The following C3orf62 variants were observed in gnomAD, a reference collection of about 807,000 sequenced individuals.
C3orf62 encodes the protein chromosome 3 open reading frame 62.
A neutral mutation model predicts 21.7 loss-of-function variants in C3orf62; 16 were observed. That is an observed-to-expected ratio of 0.74 (90% CI 0.50 to 1.12). C3orf62 has a LOEUF of 1.12. Among genes scored for constraint, C3orf62 ranks in the 50% most tolerant of loss-of-function variants. C3orf62 has a pLI of 0.00. For synonymous variants in C3orf62, 114 were observed against 117.0 expected (o/e 0.97, Z 0.17); for missense variants, 310 against 318.8 (o/e 0.97, Z 0.21).
chr3:49,275,347 A>G (rs913678059), intron 1 of C3orf62, among the ~76,000 whole-genome samples: 1 of 151,370 alleles, frequency 6.6e-6, no homozygotes, highest in Non-Finnish European at 1.5e-5. Context: ...TCAGCCTCCC[A>G]AAGTGCTGAG....
rs751502908 is a variant in C3orf62 at position 49,276,615 on chromosome 3, A to G, written c.258T>C (p.Pro86=). 5.0e-6 allele frequency: 8 copies of G among 1,614,066 alleles called. No individual in the cohort carries two copies. Among genetic ancestry groups the G allele is most frequent in the Admixed American group, 1.7e-5 (1 of 60,004 alleles). The change falls in exon 1 of 3, where the codon CCT becomes CCC. Residue 86 remains proline, a synonymous_variant. Coordinates refer to ENST00000343010, the MANE Select transcript of C3orf62 (RefSeq NM_198562.3). ...TTGCAAAGGCAGGGTTCTCATTCTC[A>G]GGAGCACATGGGACAGCAGCAAAAG... The part of the protein sequence containing the change: ...AAPFAAVPCA[P]ENENPAFATN...
Position 49,276,761 on chromosome 3 carries a change from A to G in C3orf62, c.112T>C (p.Ser38Pro). 6.2e-7 allele frequency: 1 copy of G among 1,614,204 alleles called. No homozygotes were observed. The highest frequency in any genetic ancestry group is 8.5e-7 in the Non-Finnish European group (1 of 1,180,042). The change falls in exon 1 of 3, where the codon TCC becomes CCC. Residue 38 changes from serine to proline, a missense_variant. By Grantham distance (74) the Ser-to-Pro change is moderately conservative. Coordinates refer to ENST00000343010, the MANE Select transcript of C3orf62 (RefSeq NM_198562.3). Reference sequence around the variant, plus strand: ...CTCTGCTGGCCTGTGCACTCCTGGGAATAACTAACTCCTTCAAAGGCCCGG... The same window carrying G: ...CTCTGCTGGCCTGTGCACTCCTGGGGATAACTAACTCCTTCAAAGGCCCGG... The part of the protein sequence containing the change: ...IDRAFEGVSY[S>P]QECTGQQRLE...
chr3:49,277,081 C>T lies in C3orf62; in HGVS notation c.-209G>A, dbSNP rs2046969740. 2 of 1,490,264 alleles carry T rather than the reference C, an allele frequency of 1.3e-6. No individual in the cohort carries two copies. Among genetic ancestry groups the T allele is most frequent in the Non-Finnish European group, 8.9e-7 (1 of 1,118,972 alleles). The allele number at this position is 1,490,264 out of a possible 1,614,324, so 92.3% of individuals were successfully genotyped here. A position where few individuals can be genotyped will look rare whatever the true frequency, so the allele number is the denominator to read the frequency against. ...CGCCCCGCCCCACTTCCCACAGCTT[C>T]CTGGCCCGCCCCGCCGCTGCCTCCC... On this transcript the variant is annotated 5_prime_UTR_variant, in exon 1 of 3. Coordinates refer to ENST00000343010, the MANE Select transcript of C3orf62 (RefSeq NM_198562.3).
chr3:49,276,301 G>A (rs2107758569), intron 1 of C3orf62, 126 bp downstream of exon 1: 3 of 838,488 alleles, frequency 3.6e-6, no homozygotes. Context: ...CTCCCCAAAT[G>A]CAGTCACAGA....
rs527446074 is a variant in C3orf62, at chr3:49,270,846, C to T, written c.*334G>A. 2.1e-4 allele frequency: 45 copies of T among 212,390 alleles called. No homozygotes were observed. Among genetic ancestry groups the T allele is most frequent in the Non-Finnish European group, 3.0e-4 (32 of 106,858 alleles). The allele number at this position is 212,390 out of a possible 1,614,324, so 13.2% of individuals were successfully genotyped here. On this transcript the variant is annotated 3_prime_UTR_variant, in exon 3 of 3. Transcript: ENST00000343010. ...CCACTCCTGTACTTTTTTAGGGGCC[C>T]GTGGAAAAGAACACTAAGAGACACA...
chr3:49,274,389 T>G, intron 1 of C3orf62: 1 of 413,136 alleles, frequency 2.4e-6, no homozygotes, highest in Non-Finnish European at 4.5e-6. Context: ...GAGACAGGGT[T>G]TAGCCATGTT....
Position 49,277,162 on chromosome 3 carries a change from C to T in C3orf62, c.-290G>A. ...TACCGGCACCCCCCCTTTGGCGAGT[C>T]GGCAGCCACGTCCTTGTCCTCACCC... is the stretch of plus-strand genomic sequence containing the variant. On this transcript the variant is annotated 5_prime_UTR_variant, in exon 1 of 3. Coordinates refer to ENST00000343010, the MANE Select transcript of C3orf62 (RefSeq NM_198562.3). The T allele has an allele frequency of 2.1e-6, 3 of 1,409,480 alleles. No individual in the cohort carries two copies. Among genetic ancestry groups the T allele is most frequent in the South Asian group, 2.4e-5 (2 of 82,074 alleles). 87.3% of individuals were successfully genotyped at this position (1,409,480 alleles called of 1,614,324 possible).
At position 49,277,047 on chromosome 3, in the gene C3orf62, C is replaced by A. The variant is rs2046969314; in HGVS notation, c.-175G>T. 2 of 1,472,312 alleles carry A rather than the reference C, an allele frequency of 1.4e-6. No individual in the cohort carries two copies. The highest frequency in any genetic ancestry group is 2.3e-5 in the Admixed American group (1 of 42,634). 91.2% of individuals were successfully genotyped at this position (1,472,312 alleles called of 1,614,324 possible). On this transcript the variant is annotated 5_prime_UTR_variant, in exon 1 of 3. Coordinates refer to ENST00000343010, the MANE Select transcript of C3orf62 (RefSeq NM_198562.3). The stretch of plus-strand genomic sequence containing the variant: ...GGAGGAACCCGCCATCTGCCAGAAG[C>A]CCCAAAGACGCCCCGCCCCACTTCC...
Position 49,276,991 on chromosome 3 carries a change from C to T in C3orf62, c.-119G>A. On this transcript the variant is annotated 5_prime_UTR_variant, in exon 1 of 3. Coordinates refer to ENST00000343010, the MANE Select transcript of C3orf62 (RefSeq NM_198562.3). ...GCAGGACCCACAACCCTCGGGCTTT[C>T]CTCCTGGAGTAGGCGGTTCTCGGCT... The T allele has an allele frequency of 6.8e-7, 1 of 1,473,952 alleles. No homozygotes were observed. The highest frequency in any genetic ancestry group is 9.0e-7 in the Non-Finnish European group (1 of 1,116,102). The allele number at this position is 1,473,952 out of a possible 1,614,324, so 91.3% of individuals were successfully genotyped here. A position where few individuals can be genotyped will look rare whatever the true frequency, so the allele number is the denominator to read the frequency against.
At chr3:49,274,195 G>T (rs1193511424) in intron 1 of C3orf62, 55 bp from the exon 2 acceptor site, 5 of 1,335,338 alleles carry the variant, frequency 3.7e-6, no homozygotes, top group Non-Finnish European at 5.4e-6. Flanking sequence ...TCTCTTTCAA[G>T]AAAATATTGA....
intron 2 of C3orf62, among the ~76,000 whole-genome samples, chr3:49,272,983 A>G (rs777568133): frequency 3.9e-5 from 6 of 152,200 alleles, no homozygotes; most frequent in Non-Finnish European, 8.8e-5. Context: ...TCAGGGACTC[A>G]GTGCATCTAA....
In C3orf62 at chr3:49,276,255, T is replaced by G. The variant is rs374302607; in HGVS notation, c.446+172A>C. On this transcript the variant is annotated intron_variant, in intron 1 of 2. Coordinates refer to ENST00000343010, the MANE Select transcript of C3orf62 (RefSeq NM_198562.3). Reference sequence around the variant, plus strand: ...CTGGAACATATACACAAAATATAACTGTTTCCTAGGCCAGATTCTGAAGAA... The same window carrying G: ...CTGGAACATATACACAAAATATAACGGTTTCCTAGGCCAGATTCTGAAGAA... Among the ~76,000 whole-genome samples, 18 of 152,288 alleles carry G rather than the reference T, an allele frequency of 1.2e-4. No homozygotes were observed. The East Asian group carries it at 2.5e-3, about 21-fold the overall frequency.
intron 1 of C3orf62, 150 bp downstream of exon 1, chr3:49,276,277 A>G (rs2046958896): frequency 1.4e-6 from 1 of 707,004 alleles, no homozygotes; most frequent in African/African-American, 1.8e-5. Context: ...CAGATTCTGA[A>G]GAATGTCTGT....
At position 49,270,939 on chromosome 3, in the gene C3orf62, T is replaced by C; in HGVS notation, c.*241A>G. On this transcript the variant is annotated 3_prime_UTR_variant, in exon 3 of 3. Transcript: ENST00000343010. Reference sequence around the variant, plus strand: ...TTGAACATCAATCAAAAAAACACATTCAAGATGTCAAGGAAAGTTAAAAAA... The same window carrying C: ...TTGAACATCAATCAAAAAAACACATCCAAGATGTCAAGGAAAGTTAAAAAA... 1 of 514,160 alleles carries C rather than the reference T, an allele frequency of 1.9e-6. No homozygotes were observed. Among genetic ancestry groups the C allele is most frequent in the Non-Finnish European group, 3.4e-6 (1 of 291,760 alleles). The allele number at this position is 514,160 out of a possible 1,614,324, so 31.8% of individuals were successfully genotyped here.
chr3:49,272,760 C>T (rs1356841472), intron 2 of C3orf62, among the ~76,000 whole-genome samples: 1 of 151,598 alleles, frequency 6.6e-6, no homozygotes, highest in Non-Finnish European at 1.5e-5. Flanking sequence ...GCCATGTTGC[C>T]CAGGCTGATC....
rs536809501 is a variant in C3orf62 at position 49,271,092 on chromosome 3, T to C, written c.*88A>G. 339 of 1,330,862 alleles carry C rather than the reference T, an allele frequency of 2.5e-4. No individual in the cohort carries two copies. Among genetic ancestry groups the C allele is most frequent in the Admixed American group, 8.2e-4 (37 of 45,068 alleles). The allele number at this position is 1,330,862 out of a possible 1,614,324, so 82.4% of individuals were successfully genotyped here. On this transcript the variant is annotated 3_prime_UTR_variant, in exon 3 of 3. Coordinates refer to ENST00000343010, the MANE Select transcript of C3orf62 (RefSeq NM_198562.3). ...CAGGTTCTGCCAACCTTTTGAGAAA[T>C]GTGGCCCCTGACGGCCATTGTAGCT...
chr3:49,274,077 C>T lies in C3orf62; in HGVS notation c.510G>A (p.Glu170=), dbSNP rs751722798. 7.4e-6 allele frequency: 12 copies of T among 1,614,078 alleles called. No individual in the cohort carries two copies. In the South Asian group the frequency reaches 1.3e-4, roughly 18 times the overall value. The part of the protein sequence containing the change: ...SNMPLNNSSQ[E]VTKDLLDMID... ...TCATATCAAGCAGATCCTTTGTGAC[C>T]TCTTGGCTAGAATTGTTGAGTGGCA... Residue 170 remains glutamate (E), a synonymous_variant, in exon 2 of 3, where the codon GAG becomes GAA. Coordinates refer to ENST00000343010, the MANE Select transcript of C3orf62 (RefSeq NM_198562.3).
In C3orf62 at chr3:49,275,534, T is replaced by G. The variant is rs867639231; in HGVS notation, c.446+893A>C. Among the ~76,000 whole-genome samples, 17 of 121,496 alleles carry G rather than the reference T, an allele frequency of 1.4e-4. 2 individuals carry two copies. Among genetic ancestry groups the G allele is most frequent in the Middle Eastern group, 3.6e-3 (1 of 274 alleles). The allele number at this position is 121,496 out of a possible 152,430, so 79.7% of individuals were successfully genotyped here. ...GAACTTTGAAGTTTTTTTTTTTTTT[T>G]TTTTTTTTTTTTTTGATACGGAGTC... On this transcript the variant is annotated intron_variant, in intron 1 of 2. Transcript: ENST00000343010.
Position 49,277,109 on chromosome 3 carries a change from C to A in C3orf62, c.-237G>T, listed in dbSNP as rs2046970460. On this transcript the variant is annotated 5_prime_UTR_variant, in exon 1 of 3. Coordinates refer to ENST00000343010, the MANE Select transcript of C3orf62 (RefSeq NM_198562.3). ...GGCCCGCCCCGCCGCTGCCTCCCGC[C>A]CCACCGCGGCTCCCAGGCCGCTGGC... The A allele has an allele frequency of 4.7e-6, 7 of 1,479,514 alleles. No homozygotes were observed. The highest frequency in any genetic ancestry group is 1.8e-6 in the Non-Finnish European group (2 of 1,110,106). The allele number at this position is 1,479,514 out of a possible 1,614,324, so 91.6% of individuals were successfully genotyped here.
Sources: gnomAD v4.1 joint callset for allele counts (sites outside exome capture counted in the v4.1 genomes callset) on GRCh38, gnomAD v4.1.1 for gene constraint, MANE v1.5 for transcripts, NCBI Gene and HGNC (gene_info 2026-07-23, HGNC 2026-07-21) for gene names.